The following CSGALNACT2 variants were observed in gnomAD, a reference collection of about 807,000 sequenced individuals.
The protein encoded by CSGALNACT2 is beta 4 GalNAcT-2.
CSGALNACT2 carries 35 observed loss-of-function variants against 55.3 expected under a neutral mutation model. That is an observed-to-expected ratio of 0.63 (90% CI 0.48 to 0.84). The LOEUF is 0.84. Among genes scored for constraint, CSGALNACT2 ranks in the 40% least tolerant of loss-of-function variants. The probability of loss-of-function intolerance (pLI) is 0.00; values close to 1 mark genes in which losing one functional copy is unlikely to be tolerated. For missense variants in CSGALNACT2, 544 were observed against 657.5 expected (o/e 0.83, Z 1.89); for synonymous variants, 196 against 224.9 (o/e 0.87, Z 1.15).
intron 6 of CSGALNACT2, among the ~76,000 whole-genome samples, chr10:43,168,673 G>GACACACACACAC (rs55776451): frequency 6.8e-6 from 1 of 147,906 alleles, no homozygotes; most frequent in African/African-American, 2.5e-5. Flanking sequence ...AGTACACACA[G>GACACACACACAC]ACACACACAC....
intron 6 of CSGALNACT2, among the ~76,000 whole-genome samples, chr10:43,174,519 C>T (rs1277760316): frequency 6.6e-6 from 1 of 152,194 alleles, no homozygotes; most frequent in Non-Finnish European, 1.5e-5. Context: ...AGCACCATTA[C>T]ATACCCACTG....
rs1021919721 is a variant in CSGALNACT2 at position 43,163,187 on chromosome 10, C to T, written c.981-679C>T. 3 of 985,124 alleles carry T rather than the reference C, an allele frequency of 3.0e-6. No homozygotes were observed. In the African/African-American group the frequency reaches 5.2e-5, roughly 17 times the overall value. The allele number at this position is 985,124 out of a possible 1,614,324, so 61.0% of individuals were successfully genotyped here. ...CCAAGGCATAACTCACGTTCCACTT[C>T]TAACATCTTCTCTAACTACTCCAGA... On this transcript the variant is annotated intron_variant, in intron 4 of 7. Transcript: ENST00000374466.
At chr10:43,151,468 T>C (rs1838872239) in intron 1 of CSGALNACT2, among the ~76,000 whole-genome samples, 1 of 152,204 alleles carries the variant, frequency 6.6e-6, no homozygotes, top group South Asian at 2.1e-4. Context: ...CTGGGAATTC[T>C]GAGGTTTTCC....
At chr10:43,181,816 C>T (rs374332847) in intron 7 of CSGALNACT2, among the ~76,000 whole-genome samples, 1 of 129,244 alleles carries the variant, frequency 7.7e-6, no homozygotes. Flanking sequence ...GGCACGGTGG[C>T]TCACGCCTGT....
At chr10:43,179,496 G>T (rs1040675346) in intron 7 of CSGALNACT2, among the ~76,000 whole-genome samples, 2 of 151,566 alleles carry the variant, frequency 1.3e-5, no homozygotes, top group African/African-American at 4.9e-5. Flanking sequence ...CTCTGCTGTT[G>T]CTCCTCAGGG....
intron 2 of CSGALNACT2, among the ~76,000 whole-genome samples, chr10:43,156,439 G>A (rs1415217258): frequency 6.6e-6 from 1 of 152,208 alleles, no homozygotes; most frequent in African/African-American, 2.4e-5. Context: ...GATATTAACA[G>A]TAATAATTCT....
rs1839082335 is a variant in CSGALNACT2, at chr10:43,158,913, A to G, written c.860A>G (p.Gln287Arg). 1.2e-6 allele frequency: 2 copies of G among 1,604,754 alleles called. No homozygotes were observed. The highest frequency in any genetic ancestry group is 1.7e-6 in the Non-Finnish European group (2 of 1,172,166). ...PLAERTEAFV[Q>R]FMQNFRDVCI... ...GCTGAAAGAACTGAAGCATTTGTAC[A>G]ATTTATGCAGAACTTCAGGTAACTG... The change falls in exon 3 of 8, where the codon CAA becomes CGA. Residue 287 changes from glutamine to arginine, a missense_variant. Coordinates refer to ENST00000374466, the MANE Select transcript of CSGALNACT2 (RefSeq NM_018590.5).
intron 6 of CSGALNACT2, among the ~76,000 whole-genome samples, chr10:43,169,909 T>C (rs1265525062): frequency 2.0e-5 from 3 of 152,184 alleles, no homozygotes; most frequent in African/African-American, 7.2e-5. Flanking sequence ...GTAACTTTGA[T>C]TCTAGAATTC....
chr10:43,171,507 C>T (rs1839382362), intron 6 of CSGALNACT2, among the ~76,000 whole-genome samples: 1 of 152,106 alleles, frequency 6.6e-6, no homozygotes, highest in South Asian at 2.1e-4. Flanking sequence ...CACACACCAC[C>T]ACGCCCAGCT....
chr10:43,175,472 T>C (rs1267111975), intron 6 of CSGALNACT2, among the ~76,000 whole-genome samples: 3 of 152,122 alleles, frequency 2.0e-5, no homozygotes, highest in Non-Finnish European at 2.9e-5. Flanking sequence ...CTATGGTAAG[T>C]GGGGTGAGAC....
intron 6 of CSGALNACT2, among the ~76,000 whole-genome samples, chr10:43,172,871 A>G (rs1839409373): frequency 1.3e-5 from 2 of 152,208 alleles, no homozygotes; most frequent in African/African-American, 4.8e-5. Flanking sequence ...AGAGCTGTCC[A>G]AAGAACAGGA....
intron 6 of CSGALNACT2, among the ~76,000 whole-genome samples, chr10:43,170,478 A>G (rs1487108484): frequency 2.0e-5 from 3 of 152,246 alleles, no homozygotes; most frequent in South Asian, 2.1e-4. Context: ...CCAGTGCCCA[A>G]GCTGGAACAA....
intron 3 of CSGALNACT2, 59 bp from the exon 4 acceptor site, chr10:43,160,435 T>G (rs1035138361): frequency 8.2e-6 from 7 of 857,576 alleles, no homozygotes; most frequent in Non-Finnish European, 1.2e-5. Flanking sequence ...GTGGTTGCTT[T>G]CTTAATGAAT....
chr10:43,167,219 A>T (rs970814439), intron 6 of CSGALNACT2, 121 bp downstream of exon 6: 3 of 649,042 alleles, frequency 4.6e-6, no homozygotes, highest in Non-Finnish European at 8.2e-6. Flanking sequence ...GTGTTAAAGA[A>T]AAACTATAGT....
chr10:43,181,463 T>C (rs1839587780), intron 7 of CSGALNACT2, among the ~76,000 whole-genome samples: 1 of 152,210 alleles, frequency 6.6e-6, no homozygotes, highest in Non-Finnish European at 1.5e-5. Context: ...TTTAAGTATA[T>C]GTACCATCTC....
At chr10:43,182,769 C>T (rs1318237122) in intron 7 of CSGALNACT2, among the ~76,000 whole-genome samples, 4 of 150,490 alleles carry the variant, frequency 2.7e-5, no homozygotes, top group Non-Finnish European at 4.4e-5. Context: ...CCCAGCTACT[C>T]GGGGCTGAGA....
At position 43,158,177 on chromosome 10, in the gene CSGALNACT2, C is replaced by CAT. The variant is rs759193470; in HGVS notation, c.662-528_662-527dup. On this transcript the variant is annotated intron_variant, in intron 2 of 7. Coordinates refer to ENST00000374466, the MANE Select transcript of CSGALNACT2 (RefSeq NM_018590.5). ...TTTTATATGTATGTATGTATACACA[C>CAT]ATATATATATACAGATATATATATA... is the stretch of plus-strand genomic sequence containing the variant. Among the ~76,000 whole-genome samples, 848 of 109,072 alleles carry CAT rather than the reference C, an allele frequency of 7.8e-3. 6 individuals carry two copies. The highest frequency in any genetic ancestry group is 0.013 in the Middle Eastern group (3 of 226). 71.6% of individuals were successfully genotyped at this position (109,072 alleles called of 152,430 possible).
chr10:43,141,342 C>T (rs368353288), intron 1 of CSGALNACT2, among the ~76,000 whole-genome samples: 3 of 151,986 alleles, frequency 2.0e-5, no homozygotes, highest in Non-Finnish European at 2.9e-5. Context: ...CTCAGCCTCC[C>T]GAGTAGCTGG....
At chr10:43,159,868 G>A (rs1839107050) in intron 3 of CSGALNACT2, among the ~76,000 whole-genome samples, 1 of 152,042 alleles carries the variant, frequency 6.6e-6, no homozygotes, top group African/African-American at 2.4e-5. Context: ...TTAATGCTTT[G>A]TGATCCTAGT....
Sources: gnomAD v4.1 joint callset for allele counts (sites outside exome capture counted in the v4.1 genomes callset) on GRCh38, gnomAD v4.1.1 for gene constraint, MANE v1.5 for transcripts, NCBI Gene and HGNC (gene_info 2026-07-23, HGNC 2026-07-21) for gene names.